The following MAP2K2 variants were observed in gnomAD, a reference collection of about 807,000 sequenced individuals.
The protein encoded by MAP2K2 is mitogen-activated protein kinase kinase 2, also known as dual specificity mitogen-activated protein kinase kinase 2.
Under a neutral mutation model 43.7 loss-of-function variants are expected in MAP2K2, and 24 were observed. The observed-to-expected ratio is 0.55, with a 90% CI of 0.40 to 0.77. The LOEUF is 0.77. Among genes scored for constraint, MAP2K2 ranks in the 30% least tolerant of loss-of-function variants. MAP2K2 has a pLI of 0.00. For synonymous variants in MAP2K2, 244 were observed against 239.7 expected, an observed-to-expected ratio of 1.02 and a Z score of -0.17; for missense variants, 470 against 566.8, an observed-to-expected ratio of 0.83 and a Z score of 1.73.
At chr19:4,099,732 A>C in intron 6 of MAP2K2, 1 of 410,316 alleles carries the variant, frequency 2.4e-6, no homozygotes. Context: ...CTAACATCTC[A>C]GAGGCTGCTC....
At chr19:4,118,858 A>G (rs1258981497) in intron 1 of MAP2K2, among the ~76,000 whole-genome samples, 1 of 152,242 alleles carries the variant, frequency 6.6e-6, no homozygotes, top group African/African-American at 2.4e-5. Context: ...GAATCTTCAG[A>G]GGAAATTTCG....
intron 3 of MAP2K2, among the ~76,000 whole-genome samples, chr19:4,106,478 G>A (rs574598199): frequency 4.6e-5 from 7 of 152,180 alleles, no homozygotes; most frequent in African/African-American, 1.7e-4. Context: ...GCATGATCTC[G>A]GCTCACTGCA....
chr19:4,123,606 T>TCCCCTGCCCCGTCCTCCCCCGAGGGC (rs2041330788), intron 1 of MAP2K2, among the ~76,000 whole-genome samples, 178 bp downstream of exon 1: 1 of 17,678 alleles, frequency 5.7e-5, no homozygotes, highest in African/African-American at 4.8e-4. Context: ...CCCCCGAGGG[T>TCCCCTGCCCCGTCCTCCCCCGAGGGC]CCCCTGCCCT....
chr19:4,091,229 G>A (rs971551912), intron 10 of MAP2K2, among the ~76,000 whole-genome samples: 1 of 152,210 alleles, frequency 6.6e-6, no homozygotes, highest in East Asian at 1.9e-4. Context: ...GAAGAGCATT[G>A]TACAGGCACC....
intron 3 of MAP2K2, 141 bp from the exon 4 acceptor site, chr19:4,102,594 A>C: frequency 1.1e-6 from 1 of 897,186 alleles, no homozygotes. Flanking sequence ...CCACGGGCCA[A>C]GGGCAGGGCG....
intron 2 of MAP2K2, among the ~76,000 whole-genome samples, chr19:4,111,975 AAACAAC>A (rs141206687): frequency 0.067 from 10,103 of 150,860 alleles, 361 homozygotes; most frequent in African/African-American, 0.089. Context: ...CAAAAAAACA[AAACAAC>A]AACAACAACA....
At chr19:4,107,997 G>A (rs2041107743) in intron 3 of MAP2K2, among the ~76,000 whole-genome samples, 1 of 152,194 alleles carries the variant, frequency 6.6e-6, no homozygotes, top group Admixed American at 6.5e-5. Context: ...CAGCCCCGGT[G>A]CTAAGCTGCC....
At chr19:4,091,795 C>T (rs1406766403) in intron 10 of MAP2K2, among the ~76,000 whole-genome samples, 5 of 152,190 alleles carry the variant, frequency 3.3e-5, no homozygotes, top group South Asian at 4.1e-4. Flanking sequence ...ATTACAGGTG[C>T]GTGCTACCAT....
intron 1 of MAP2K2, among the ~76,000 whole-genome samples, chr19:4,120,975 C>T (rs1599310110): frequency 6.6e-6 from 1 of 152,108 alleles, no homozygotes; most frequent in African/African-American, 2.4e-5. Context: ...GAGAGGCCAC[C>T]AGACATGCCA....
At chr19:4,110,361 G>C in intron 3 of MAP2K2, 148 bp downstream of exon 3, 2 of 920,908 alleles carry the variant, frequency 2.2e-6, no homozygotes, top group Non-Finnish European at 3.3e-6. Flanking sequence ...ATACATACTT[G>C]TATGGCATCG....
chr19:4,120,992 C>T (rs2041285619), intron 1 of MAP2K2, among the ~76,000 whole-genome samples: 1 of 152,094 alleles, frequency 6.6e-6, no homozygotes, highest in South Asian at 2.1e-4. Context: ...GCCACAGTCC[C>T]TGACACCTGG....
intron 3 of MAP2K2, among the ~76,000 whole-genome samples, chr19:4,106,502 G>A (rs1046175413): frequency 1.3e-5 from 2 of 152,264 alleles, no homozygotes; most frequent in Non-Finnish European, 1.5e-5. Flanking sequence ...TCCGCCTCCC[G>A]GGTGCATGTG....
chr19:4,095,288 T>C (rs2040900957), intron 9 of MAP2K2, 100 bp downstream of exon 9: 2 of 1,051,226 alleles, frequency 1.9e-6, no homozygotes. Context: ...TGCACTGGGA[T>C]TCTGGATGGG....
intron 3 of MAP2K2, among the ~76,000 whole-genome samples, chr19:4,105,173 TGTG>T (rs1470452876): frequency 1.3e-5 from 2 of 150,064 alleles, no homozygotes; most frequent in African/African-American, 5.0e-5. Context: ...TGTGTGTGTG[TGTG>T]TGTGTGTGTG....
chr19:4,108,961 C>T lies in MAP2K2; in HGVS notation c.450+1548G>A, dbSNP rs545412224. ...GCCGGCAACGTGACTCTGCGAGCAGCGGGGCAGACGCCAGGTCTCCCTCGC... is the reference window on the plus strand; with the variant it reads ...GCCGGCAACGTGACTCTGCGAGCAGTGGGGCAGACGCCAGGTCTCCCTCGC... On this transcript the variant is annotated intron_variant, in intron 3 of 10. Transcript: ENST00000262948. Among the ~76,000 whole-genome samples the T allele has an allele frequency of 5.9e-5, 9 of 152,316 alleles. No individual in the cohort carries two copies. The East Asian group carries it at 1.4e-3, about 23-fold the overall frequency.
chr19:4,116,423 G>C (rs1331671765), intron 2 of MAP2K2, among the ~76,000 whole-genome samples: 1 of 152,026 alleles, frequency 6.6e-6, no homozygotes, highest in Non-Finnish European at 1.5e-5. Flanking sequence ...CCAGCTACTC[G>C]GGAGGCTGAG....
At chr19:4,114,031 A>G (rs2041189636) in intron 2 of MAP2K2, among the ~76,000 whole-genome samples, 1 of 152,236 alleles carries the variant, frequency 6.6e-6, no homozygotes, top group Non-Finnish European at 1.5e-5. Context: ...AGTGGCTCAC[A>G]TCTGTAATTC....
chr19:4,122,277 G>T (rs183369196), intron 1 of MAP2K2, among the ~76,000 whole-genome samples: 2 of 16,012 alleles, frequency 1.2e-4, no homozygotes, highest in East Asian at 2.4e-3. Context: ...CCCCCATAGG[G>T]ACCCTCCCAC....
At chr19:4,097,415 G>C in intron 7 of MAP2K2, 72 bp from the exon 8 acceptor site, 2 of 1,219,298 alleles carry the variant, frequency 1.6e-6, no homozygotes, top group South Asian at 1.2e-5. Flanking sequence ...TGGGCTCCCA[G>C]GGGGCTGATC....
Sources: gnomAD v4.1 joint callset for allele counts (sites outside exome capture counted in the v4.1 genomes callset) on GRCh38, gnomAD v4.1.1 for gene constraint, MANE v1.5 for transcripts, NCBI Gene and HGNC (gene_info 2026-07-23, HGNC 2026-07-21) for gene names.